DRG2: variants seen among roughly 807,000 people sequenced by gnomAD.
DRG2 encodes developmentally regulated GTP binding protein 2, also known as developmentally-regulated GTP-binding protein 2.
DRG2 carries 36 observed loss-of-function variants against 53.4 expected under a neutral mutation model. That is an observed-to-expected ratio of 0.67 (90% confidence interval 0.52 to 0.89). DRG2 has a LOEUF of 0.89. DRG2 is among the 40% of genes least tolerant of loss of function. DRG2 has a pLI of 0.00. For synonymous variants in DRG2, 167 were observed against 192.1 expected, an observed-to-expected ratio of 0.87 and a Z score of 1.08; for missense variants, 342 against 481.2, an observed-to-expected ratio of 0.71 and a Z score of 2.71.
chr17:18,098,373 C>A lies in DRG2; in HGVS notation c.315+14C>A. On this transcript the variant is annotated intron_variant, in intron 3 of 12. Transcript: ENST00000225729. The surrounding 1 kb of genome is among the most constrained non-coding windows in gnomAD (Gnocchi z 4.1). ...GGGGTCATTGAAGTAAGTGGGTGTG[C>A]TGGGCCCAGAAGGAGAAGGGGCGCA... 6.2e-7 allele frequency: 1 copy of A among 1,611,910 alleles called. No homozygotes were observed. Among genetic ancestry groups the A allele is most frequent in the Non-Finnish European group, 8.5e-7 (1 of 1,178,100 alleles).
chr17:18,094,763 T>C (rs1246961945), intron 2 of DRG2, among the ~76,000 whole-genome samples: 1 of 151,658 alleles, frequency 6.6e-6, no homozygotes, highest in South Asian at 2.1e-4. Context: ...TCACCTGAGG[T>C]TGGGAGTTCA....
At position 18,099,571 on chromosome 17, in the gene DRG2, C is replaced by T. The variant is rs1567602983; in HGVS notation, c.377-62C>T. 16 of 1,536,922 alleles carry T rather than the reference C, an allele frequency of 1.0e-5. No individual in the cohort carries two copies. The highest frequency in any genetic ancestry group is 4.8e-5 in the East Asian group (2 of 41,478). On this transcript the variant is annotated intron_variant, in intron 4 of 12. Transcript: ENST00000225729. The surrounding 1 kb of genome is among the most constrained non-coding windows in gnomAD (Gnocchi z 4.4). The stretch of plus-strand genomic sequence containing the variant: ...TGTAAAGGACAGGAGTCCAGGGCGC[C>T]GTGGGCTGGGTAGCAGTCACATGGG...
In DRG2 at chr17:18,100,466, G is replaced by C. The variant is rs1401356939; in HGVS notation, c.540+31G>C. 6.2e-7 allele frequency: 1 copy of C among 1,614,220 alleles called. No individual in the cohort carries two copies. The highest frequency in any genetic ancestry group is 1.1e-5 in the South Asian group (1 of 91,088). Reference sequence around the variant, plus strand: ...GCACCTCTCTGGCCTTCAGGCCAGGGGTGTGGCAGTTTTGAGACTGCATTG... The same window carrying C: ...GCACCTCTCTGGCCTTCAGGCCAGGCGTGTGGCAGTTTTGAGACTGCATTG... On this transcript the variant is annotated intron_variant, in intron 6 of 12. Transcript: ENST00000225729. This position sits in a 1 kb window ranked among gnomAD's most constrained non-coding sequence, Gnocchi z 4.1.
intron 1 of DRG2, among the ~76,000 whole-genome samples, chr17:18,089,972 C>CT (rs2045285350): frequency 6.6e-6 from 1 of 152,060 alleles, no homozygotes; most frequent in African/African-American, 2.4e-5. Context: ...ATTCTGACTT[C>CT]TGTCTTGAAA....
At position 18,099,591 on chromosome 17, in the gene DRG2, C is replaced by T. The variant is rs920091403; in HGVS notation, c.377-42C>T. 18 of 1,567,836 alleles carry T rather than the reference C, an allele frequency of 1.1e-5. No individual in the cohort carries two copies. In the Admixed American group the frequency reaches 2.7e-4, roughly 23 times the overall value. On this transcript the variant is annotated intron_variant, in intron 4 of 12. Coordinates refer to ENST00000225729, the MANE Select transcript of DRG2 (RefSeq NM_001388.5). The surrounding 1 kb of genome is among the most constrained non-coding windows in gnomAD (Gnocchi z 4.4). Reference sequence around the variant, plus strand: ...GGCGCCGTGGGCTGGGTAGCAGTCACATGGGTCCACATATGTAACTGCATC... The same window carrying T: ...GGCGCCGTGGGCTGGGTAGCAGTCATATGGGTCCACATATGTAACTGCATC...
intron 10 of DRG2, among the ~76,000 whole-genome samples, chr17:18,104,340 C>T (rs536463589): frequency 1.3e-5 from 2 of 152,328 alleles, no homozygotes; most frequent in East Asian, 1.9e-4. Context: ...GCGCCCTGCC[C>T]GTTCAGTCCA....
intron 1 of DRG2, among the ~76,000 whole-genome samples, chr17:18,092,878 C>T (rs919653514): frequency 2.0e-5 from 3 of 152,128 alleles, no homozygotes; most frequent in Non-Finnish European, 1.5e-5. Context: ...GCCATGGCAG[C>T]GTGGGATCCC....
rs1374835693 is a variant in DRG2, at chr17:18,099,084, G to A, written c.376+7G>A. The A allele has an allele frequency of 2.5e-6, 4 of 1,613,964 alleles. No homozygotes were observed. The Admixed American group carries it at 5.0e-5, about 20-fold the overall frequency. ...ATTGAAGGCGCAGCCCAAGGTGGGA[G>A]GCAGGGCAGGTGTGTGGGAAGCAGA... is the stretch of plus-strand genomic sequence containing the variant. On this transcript the variant is annotated splice_region_variant and intron_variant, in intron 4 of 12. Transcript: ENST00000225729. The surrounding 1 kb of genome is among the most constrained non-coding windows in gnomAD (Gnocchi z 4.4).
chr17:18,101,748 A>C (rs1049042837), intron 8 of DRG2, among the ~76,000 whole-genome samples, 158 bp downstream of exon 8: 6 of 152,146 alleles, frequency 3.9e-5, no homozygotes, highest in Non-Finnish European at 7.4e-5. Context: ...AGACATAGAG[A>C]GCTTGAAACC....
rs1387543719 is a variant in DRG2 at position 18,090,370 on chromosome 17, A to ATTTT, written c.64+2284_64+2285insTTTT. On this transcript the variant is annotated intron_variant, in intron 1 of 12. Transcript: ENST00000225729. ...GTGCACCACCACACCGGGCTAATTT[A>ATTTT]TATATATATATATATATATATATAT... Among the ~76,000 whole-genome samples, 13 of 11,708 alleles carry ATTTT rather than the reference A, an allele frequency of 1.1e-3. 1 individual carries two copies. Among genetic ancestry groups the ATTTT allele is most frequent in the Non-Finnish European group, 1.4e-3 (11 of 7,998 alleles). 7.7% of individuals were successfully genotyped at this position (11,708 alleles called of 152,430 possible). A position where few individuals can be genotyped will look rare whatever the true frequency, so the allele number is the denominator to read the frequency against.
Position 18,104,697 on chromosome 17 carries a change from C to A in DRG2, c.954+16C>A, listed in dbSNP as rs776361520. 4 of 1,613,744 alleles carry A rather than the reference C, an allele frequency of 2.5e-6. No individual in the cohort carries two copies. In the African/African-American group the frequency reaches 5.3e-5, roughly 22 times the overall value. ...GGAGCACGTGGTGAGTTGACAAGAC[C>A]TGCCGTGACAAGGGGTGGGAGCTCT... On this transcript the variant is annotated intron_variant, in intron 11 of 12. Coordinates refer to ENST00000225729, the MANE Select transcript of DRG2 (RefSeq NM_001388.5).
At chr17:18,091,824 C>G (rs1208148255) in intron 1 of DRG2, 4 of 152,174 alleles carry the variant, frequency 2.6e-5, no homozygotes, top group Non-Finnish European at 5.9e-5. Flanking sequence ...CACCACAGCA[C>G]TCCAGCCTGG....
chr17:18,095,709 A>G (rs2045424408), intron 2 of DRG2: 1 of 152,142 alleles, frequency 6.6e-6, no homozygotes, highest in South Asian at 2.1e-4. Flanking sequence ...CCTAAAGTAA[A>G]CTTTTTATTT....
chr17:18,093,527 A>C (rs1464811034), intron 1 of DRG2, among the ~76,000 whole-genome samples: 1 of 152,172 alleles, frequency 6.6e-6, no homozygotes, highest in East Asian at 1.9e-4. Context: ...CATGTTGGTC[A>C]GGCTGGTCTC....
At chr17:18,094,557 G>A (rs1163392085) in intron 2 of DRG2, among the ~76,000 whole-genome samples, 1 of 152,192 alleles carries the variant, frequency 6.6e-6, no homozygotes, top group Non-Finnish European at 1.5e-5. Flanking sequence ...CGCTTGGTGT[G>A]TCCAGGGAGG....
chr17:18,092,253 C>A (rs1387128801), intron 1 of DRG2, among the ~76,000 whole-genome samples: 9 of 152,086 alleles, frequency 5.9e-5, no homozygotes, highest in Admixed American at 3.3e-4. Flanking sequence ...TGCTTACAGC[C>A]AGGAGTTCAA....
chr17:18,101,846 A>T, intron 8 of DRG2, 75 bp from the exon 9 acceptor site: 1 of 1,494,472 alleles, frequency 6.7e-7, no homozygotes, highest in Non-Finnish European at 9.2e-7. Context: ...TGCAGCCGGC[A>T]CAGGGCGATG....
intron 2 of DRG2, chr17:18,094,227 T>G (rs2142185548): frequency 2.2e-5 from 10 of 455,590 alleles, no homozygotes; most frequent in East Asian, 1.5e-4. Flanking sequence ...TGTGTATCTC[T>G]AGCGGTGTCA....
At chr17:18,093,994 G>T (rs1456353032) in intron 2 of DRG2, 21 bp downstream of exon 2, 1 of 1,599,640 alleles carries the variant, frequency 6.3e-7, no homozygotes, top group African/African-American at 1.3e-5. Context: ...GTCAGTGTGG[G>T]CCTCGGGGAG....
Sources: gnomAD v4.1 joint callset for allele counts (sites outside exome capture counted in the v4.1 genomes callset) on GRCh38, gnomAD v4.1.1 for gene constraint, Gnocchi (gnomAD v3.1) non-coding constraint, MANE v1.5 for transcripts, NCBI Gene and HGNC (gene_info 2026-07-23, HGNC 2026-07-21) for gene names.